Variants in MTAP observed in about 807,000 individuals in gnomAD.
MTAP encodes methylthioadenosine phosphorylase.
A neutral mutation model predicts 33.6 loss-of-function variants in MTAP; 33 were observed. That is an observed-to-expected ratio of 0.98 (90% CI 0.74 to 1.31). The LOEUF (loss-of-function observed/expected upper bound fraction) is 1.31, where lower values mean the gene tolerates loss of function less well. MTAP is among the 40% of genes most tolerant of loss of function. MTAP has a pLI of 0.00. For synonymous variants in MTAP, 148 were observed against 125.7 expected, an observed-to-expected ratio of 1.18 and a Z score of -1.19; for missense variants, 367 against 360.0, an observed-to-expected ratio of 1.02 and a Z score of -0.16.
At chr9:21,887,111 C>A (rs1818124264) in intron 1 of MTAP, among the ~76,000 whole-genome samples, 1 of 151,974 alleles carries the variant, frequency 6.6e-6, no homozygotes, top group Non-Finnish European at 1.5e-5. Flanking sequence ...TCTATGATTT[C>A]TTTTTTATTA....
chr9:21,823,659 G>A (rs915718704), intron 4 of MTAP, among the ~76,000 whole-genome samples: 1 of 152,138 alleles, frequency 6.6e-6, no homozygotes, highest in Non-Finnish European at 1.5e-5. Flanking sequence ...ATGTTGGCCT[G>A]CCTTGCTAGA....
chr9:21,915,021 TTCCTTCCTTCCTTCCTTCCTTC>T (rs1818656750), intron 1 of MTAP, among the ~76,000 whole-genome samples: 4 of 98,994 alleles, frequency 4.0e-5, no homozygotes, highest in East Asian at 4.2e-4. Context: ...CCTTCCTTCC[TTCCTTCCTTCCTTCCTTCCTTC>T]CTTCCTTCCT....
downstream of MTAP, chr9:21,933,760 T>G (rs1433948738): frequency 5.3e-5 from 8 of 152,220 alleles, no homozygotes; most frequent in South Asian, 4.1e-4. Flanking sequence ...ATGAAAACTG[T>G]GAAATCTGCT....
At chr9:21,824,078 T>G (rs964989162) in intron 4 of MTAP, among the ~76,000 whole-genome samples, 1 of 152,222 alleles carries the variant, frequency 6.6e-6, no homozygotes, top group African/African-American at 2.4e-5. Flanking sequence ...CAGAGAAGTT[T>G]GATTGTCTGA....
chr9:21,886,502 G>C lies in MTAP; in HGVS notation c.147+31632G>C, dbSNP rs117509244. ...TTGCTTTTGTTGCATTTGCTTTTGG[G>C]TTCTTCGTCATGAACTTTTTACCTA... is the stretch of plus-strand genomic sequence containing the variant. On this transcript the variant is annotated intron_variant, in intron 1 of 1. Coordinates refer to the MTAP transcript ENST00000577563. Among the ~76,000 whole-genome samples, 862 of 152,154 alleles carry C rather than the reference G, an allele frequency of 5.7e-3. 19 individuals carry two copies. The highest frequency in any genetic ancestry group is 0.056 in the East Asian group (289 of 5,176).
chr9:21,878,223 G>A (rs892593102), intron 1 of MTAP, among the ~76,000 whole-genome samples: 1 of 151,916 alleles, frequency 6.6e-6, no homozygotes, highest in Admixed American at 6.6e-5. Flanking sequence ...ATTTCTGATT[G>A]TGTTTATTTG....
At chr9:21,829,155 T>C (rs1462307420) in intron 4 of MTAP, among the ~76,000 whole-genome samples, 1 of 152,214 alleles carries the variant, frequency 6.6e-6, no homozygotes, top group Non-Finnish European at 1.5e-5. Flanking sequence ...TGGCATCAGA[T>C]ACAAATAGGC....
chr9:21,859,656 C>T (rs1825714566), intron 7 of MTAP: 2 of 392,066 alleles, frequency 5.1e-6, no homozygotes, highest in African/African-American at 2.1e-5. Flanking sequence ...GTTTTATTAT[C>T]TCGTGTACCA....
At chr9:21,849,637 A>G (rs1197883564) in intron 5 of MTAP, among the ~76,000 whole-genome samples, 1 of 152,238 alleles carries the variant, frequency 6.6e-6, no homozygotes, top group Non-Finnish European at 1.5e-5. Context: ...TAGTAAAGCA[A>G]AAACAATACC....
chr9:21,865,863 T>G lies in MTAP; in HGVS notation c.*3849T>G, dbSNP rs1233091324. ...GTGCCTTTTTTATTGCCTAGTAGTA[T>G]TCTGTCATATGCCTATCTTACAATT... is the stretch of plus-strand genomic sequence containing the variant. On this transcript the variant is annotated 3_prime_UTR_variant, in exon 8 of 8. Transcript: ENST00000644715. 1.2e-6 allele frequency: 1 copy of G among 822,422 alleles called. No individual in the cohort carries two copies. The highest frequency in any genetic ancestry group is 1.5e-6 in the Non-Finnish European group (1 of 680,670). The allele number at this position is 822,422 out of a possible 1,614,324, so 50.9% of individuals were successfully genotyped here. A position where few individuals can be genotyped will look rare whatever the true frequency, so the allele number is the denominator to read the frequency against.
intron 1 of MTAP, chr9:21,893,885 A>T (rs1818240122): frequency 6.6e-6 from 1 of 150,638 alleles, no homozygotes; most frequent in South Asian, 2.1e-4. Flanking sequence ...AGGAGGAGGG[A>T]CTCCTCTCTA....
At chr9:21,908,474 G>C (rs940801673) in intron 1 of MTAP, among the ~76,000 whole-genome samples, 11 of 152,118 alleles carry the variant, frequency 7.2e-5, no homozygotes, top group Admixed American at 3.3e-4. Flanking sequence ...TAAATGCCCA[G>C]AAGTGAAATT....
At chr9:21,822,519 T>C (rs1386438060) in intron 4 of MTAP, among the ~76,000 whole-genome samples, 1 of 152,226 alleles carries the variant, frequency 6.6e-6, no homozygotes, top group Non-Finnish European at 1.5e-5. Flanking sequence ...TTCTGTTCTT[T>C]TACATTTGCT....
At chr9:21,859,055 C>T (rs773904779) in intron 6 of MTAP, 137 of 307,588 alleles carry the variant, frequency 4.5e-4, no homozygotes, top group Non-Finnish European at 6.7e-4. Flanking sequence ...AAGGGGCCCT[C>T]GAAGAATAGC....
intron 6 of MTAP, among the ~76,000 whole-genome samples, chr9:21,857,243 G>A (rs1825663458): frequency 2.0e-5 from 3 of 152,160 alleles, no homozygotes. Flanking sequence ...AAATATATAA[G>A]GAAATGAGTA....
intron 1 of MTAP, 41 bp downstream of exon 1, chr9:21,802,822 G>C (rs1563825497): frequency 1.2e-6 from 2 of 1,610,806 alleles, no homozygotes; most frequent in South Asian, 1.1e-5. Flanking sequence ...CGCCCTGCCG[G>C]ATGCCTTCTC....
chr9:21,807,717 C>A (rs1824244206), intron 1 of MTAP, among the ~76,000 whole-genome samples: 1 of 152,162 alleles, frequency 6.6e-6, no homozygotes, highest in Admixed American at 6.5e-5. Flanking sequence ...TTTTGTACTG[C>A]TCAGCAGAGT....
At chr9:21,833,794 C>G (rs1249963838) in intron 4 of MTAP, among the ~76,000 whole-genome samples, 1 of 152,126 alleles carries the variant, frequency 6.6e-6, no homozygotes, top group Non-Finnish European at 1.5e-5. Context: ...TTTGCAACAC[C>G]ACATTTCCTC....
intron 5 of MTAP, among the ~76,000 whole-genome samples, chr9:21,843,722 C>T (rs1448659395): frequency 6.6e-6 from 1 of 152,138 alleles, no homozygotes; most frequent in African/African-American, 2.4e-5. Flanking sequence ...CACAACTTAT[C>T]AAAACCTCTG....
Sources: gnomAD v4.1 joint callset for allele counts (sites outside exome capture counted in the v4.1 genomes callset) on GRCh38, gnomAD v4.1.1 for gene constraint, MANE v1.5 for transcripts, NCBI Gene and HGNC (gene_info 2026-07-23, HGNC 2026-07-21) for gene names.